KBTBD11: variants seen among roughly 807,000 people sequenced by gnomAD.
The protein encoded by KBTBD11 is kelch repeat and BTB domain-containing protein 11.
For missense variants in KBTBD11, 1,390 were observed against 1,001.8 expected (o/e 1.39, Z -5.23); for synonymous variants, 747 against 499.0 (o/e 1.50, Z -6.63).
intron 1 of KBTBD11, among the ~76,000 whole-genome samples, chr8:1,989,676 G>A (rs764838831): frequency 7.2e-5 from 11 of 152,156 alleles, no homozygotes; most frequent in African/African-American, 2.4e-4. Context: ...ACGACGCATC[G>A]CCTCCCCGAA....
Position 2,002,821 on chromosome 8 carries a change from C to T in KBTBD11, c.1629C>T (p.Leu543=). 1 of 1,430,390 alleles carries T rather than the reference C, an allele frequency of 7.0e-7. No homozygotes were observed. Among genetic ancestry groups the T allele is most frequent in the Non-Finnish European group, 9.1e-7 (1 of 1,101,146 alleles). The allele number at this position is 1,430,390 out of a possible 1,614,324, so 88.6% of individuals were successfully genotyped here. ...GCCCGTGCGTCGCGCCCCTGCGCCTCCCCGGCGGCCCCACGGGCCTGCAGC... is the reference window on the plus strand; with the variant it reads ...GCCCGTGCGTCGCGCCCCTGCGCCTTCCCGGCGGCCCCACGGGCCTGCAGC... ...QWSPCVAPLR[L]PGGPTGLQPF... is the part of the protein sequence containing the mutation. The change falls in exon 2 of 2, where the codon CTC becomes CTT. Residue 543 remains leucine, a synonymous_variant. Coordinates refer to ENST00000320248, the MANE Select transcript of KBTBD11 (RefSeq NM_014867.3). This position sits in a 1 kb window ranked among gnomAD's most constrained non-coding sequence, Gnocchi z 4.1.
Position 2,002,618 on chromosome 8 carries a change from C to A in KBTBD11, c.1426C>A (p.Arg476=). Residue 476 remains arginine, a synonymous_variant, in exon 2 of 2, where the codon CGG becomes AGG. Coordinates refer to ENST00000320248, the MANE Select transcript of KBTBD11 (RefSeq NM_014867.3). This position sits in a 1 kb window ranked among gnomAD's most constrained non-coding sequence, Gnocchi z 4.1. ...CTATCGCCTGCTCAAGTATGACCCGCGGCGCGACGAGTGGCAGGAGTGCCC... is the reference window on the plus strand; with the variant it reads ...CTATCGCCTGCTCAAGTATGACCCGAGGCGCGACGAGTGGCAGGAGTGCCC... ...LFYRLLKYDP[R]RDEWQECPCS... is the part of the protein sequence containing the mutation. 6.3e-7 allele frequency: 1 copy of A among 1,583,886 alleles called. No individual in the cohort carries two copies. The highest frequency in any genetic ancestry group is 2.3e-5 in the East Asian group (1 of 43,642).
rs535737916 is a variant in KBTBD11 at position 2,004,568 on chromosome 8, G to C, written c.*1504G>C. The C allele has an allele frequency of 6.0e-6, 1 of 167,078 alleles. No homozygotes were observed. Among genetic ancestry groups the C allele is most frequent in the Non-Finnish European group, 1.5e-5 (1 of 68,122 alleles). 10.3% of individuals were successfully genotyped at this position (167,078 alleles called of 1,614,324 possible). A position where few individuals can be genotyped will look rare whatever the true frequency, so the allele number is the denominator to read the frequency against. On this transcript the variant is annotated 3_prime_UTR_variant, in exon 2 of 2. Transcript: ENST00000320248. ...GGTTATGCTTTTTAAAGAGTCTGTG[G>C]TTATGAGAGGTCTCAGTTAAGTGTG...
intron 1 of KBTBD11, among the ~76,000 whole-genome samples, chr8:1,981,316 G>T (rs1043404576): frequency 3.3e-5 from 5 of 152,120 alleles, no homozygotes; most frequent in Admixed American, 3.3e-4. Context: ...TGAAAGAAAA[G>T]GACACTAATT....
intron 1 of KBTBD11, among the ~76,000 whole-genome samples, chr8:1,993,556 C>CCCATCCATCCATCCAT (rs1184041692): frequency 4.1e-5 from 3 of 73,702 alleles, no homozygotes; most frequent in African/African-American, 1.1e-4. Context: ...CACCCACCCA[C>CCCATCCATCCATCCAT]CCATCCATCC....
chr8:2,005,948 C>A lies in KBTBD11; in HGVS notation c.*2884C>A, dbSNP rs764496916. 10 of 167,116 alleles carry A rather than the reference C, an allele frequency of 6.0e-5. No individual in the cohort carries two copies. The highest frequency in any genetic ancestry group is 7.3e-5 in the Non-Finnish European group (5 of 68,128). The allele number at this position is 167,116 out of a possible 1,614,324, so 10.4% of individuals were successfully genotyped here. A position where few individuals can be genotyped will look rare whatever the true frequency, so the allele number is the denominator to read the frequency against. ...AATGAGCTTGAGCCTTCCTCCTTTTCCTTCCGGTTTTATTCTTCCTCTTGG... is the reference window on the plus strand; with the variant it reads ...AATGAGCTTGAGCCTTCCTCCTTTTACTTCCGGTTTTATTCTTCCTCTTGG... On this transcript the variant is annotated 3_prime_UTR_variant, in exon 2 of 2. Transcript: ENST00000320248.
Position 2,005,745 on chromosome 8 carries a change from CG to C in KBTBD11, c.*2685del, listed in dbSNP as rs1817554463. 1 of 167,096 alleles carries C rather than the reference CG, an allele frequency of 6.0e-6. No individual in the cohort carries two copies. The highest frequency in any genetic ancestry group is 6.5e-5 in the Admixed American group (1 of 15,290). The allele number at this position is 167,096 out of a possible 1,614,324, so 10.4% of individuals were successfully genotyped here. A position where few individuals can be genotyped will look rare whatever the true frequency, so the allele number is the denominator to read the frequency against. On this transcript the variant is annotated 3_prime_UTR_variant, in exon 2 of 2. Transcript: ENST00000320248. ...CTCCTCATGAAATTAACCCGTATGC[CG>C]GGGCATTTCCAAATGTCTGACTCGT...
At chr8:1,990,341 A>G (rs1299606542) in intron 1 of KBTBD11, among the ~76,000 whole-genome samples, 4 of 128,358 alleles carry the variant, frequency 3.1e-5, no homozygotes, top group African/African-American at 6.1e-5. Flanking sequence ...GTCTGGGTAG[A>G]TGCTGGGCCT....
At chr8:1,987,553 G>C (rs1327528893) in intron 1 of KBTBD11, among the ~76,000 whole-genome samples, 2 of 151,968 alleles carry the variant, frequency 1.3e-5, no homozygotes, top group Admixed American at 6.6e-5. Flanking sequence ...AAGCACCCCT[G>C]CGCTCCGGCC....
Position 2,002,036 on chromosome 8 carries a change from G to A in KBTBD11, c.844G>A (p.Asp282Asn), listed in dbSNP as rs1397998990. 2 of 1,318,254 alleles carry A rather than the reference G, an allele frequency of 1.5e-6. No homozygotes were observed. Among genetic ancestry groups the A allele is most frequent in the Non-Finnish European group, 2.0e-6 (2 of 1,022,812 alleles). The allele number at this position is 1,318,254 out of a possible 1,614,324, so 81.7% of individuals were successfully genotyped here. Residue 282 changes from aspartate to asparagine, a missense_variant, in exon 2 of 2, where the codon GAC (aspartate) becomes AAC (asparagine). Physicochemically the swap from Asp to Asn is conservative, Grantham distance 23. Coordinates refer to ENST00000320248, the MANE Select transcript of KBTBD11 (RefSeq NM_014867.3). This position sits in a 1 kb window ranked among gnomAD's most constrained non-coding sequence, Gnocchi z 4.1. ...CGGCCGCCTGTCGGGCGCAGAGCGG[G>A]ACCTGCTGCTGCGCCGCCGCCTGCG... is the stretch of plus-strand genomic sequence containing the variant. ...VFGRLSGAERDLLLRRRLRAG... is the reference protein window; with the variant it reads ...VFGRLSGAERNLLLRRRLRAG...
In KBTBD11 at chr8:2,001,872, TG is replaced by T; in HGVS notation, c.684del (p.Pro229ArgfsTer3). The T allele has an allele frequency of 1.5e-6, 2 of 1,328,546 alleles. No individual in the cohort carries two copies. Among genetic ancestry groups the T allele is most frequent in the South Asian group, 1.6e-5 (1 of 63,188 alleles). The allele number at this position is 1,328,546 out of a possible 1,614,324, so 82.3% of individuals were successfully genotyped here. On this transcript the variant is annotated frameshift_variant, in exon 2 of 2. Coordinates refer to ENST00000320248, the MANE Select transcript of KBTBD11 (RefSeq NM_014867.3). LOFTEE classifies it low-confidence loss of function (END_TRUNC). ...PGAAQRATDAVGPQLSLANCY... is the reference protein window; with the variant it reads ...PGAAQRATDAXGPQLSLANCY... ...GCCGCGCAGCGCGCCACCGACGCCG[TG>T]GGGCCGCAGCTGAGCCTGGCCAACT...
chr8:1,994,619 C>A (rs140134778), intron 1 of KBTBD11, among the ~76,000 whole-genome samples: 1 of 152,200 alleles, frequency 6.6e-6, no homozygotes, highest in South Asian at 2.1e-4. Context: ...AAGGCTCCTG[C>A]GGGTGCCACG....
At chr8:1,992,312 A>G (rs1158125477) in intron 1 of KBTBD11, among the ~76,000 whole-genome samples, 4 of 152,140 alleles carry the variant, frequency 2.6e-5, no homozygotes, top group Admixed American at 6.5e-5. Context: ...CAGTTCCTGC[A>G]CACAGTACAA....
Position 2,002,481 on chromosome 8 carries a change from C to G in KBTBD11, c.1289C>G (p.Pro430Arg), listed in dbSNP as rs1817419933. 6.6e-7 allele frequency: 1 copy of G among 1,508,080 alleles called. No individual in the cohort carries two copies. Among genetic ancestry groups the G allele is most frequent in the Non-Finnish European group, 8.8e-7 (1 of 1,136,848 alleles). The allele number at this position is 1,508,080 out of a possible 1,614,324, so 93.4% of individuals were successfully genotyped here. Residue 430 changes from proline to arginine, a missense_variant, in exon 2 of 2, where the codon CCG becomes CGG. Pro to Arg is a moderately radical substitution (Grantham distance 103, BLOSUM62 -2). Coordinates refer to ENST00000320248, the MANE Select transcript of KBTBD11 (RefSeq NM_014867.3). The surrounding 1 kb of genome is among the most constrained non-coding windows in gnomAD (Gnocchi z 4.1). ...ECLLSVERYD[P>R]RADRWAPVAP... Reference sequence around the variant, plus strand: ...CTGCTCAGCGTGGAGCGCTACGACCCGCGCGCCGACCGCTGGGCCCCCGTG... The same window carrying G: ...CTGCTCAGCGTGGAGCGCTACGACCGGCGCGCCGACCGCTGGGCCCCCGTG...
intron 1 of KBTBD11, among the ~76,000 whole-genome samples, chr8:1,985,205 C>G (rs1188296197): frequency 6.6e-6 from 1 of 152,248 alleles, no homozygotes; most frequent in Non-Finnish European, 1.5e-5. Context: ...GAAGGCAGAG[C>G]TCTTACAGGA....
intron 1 of KBTBD11, among the ~76,000 whole-genome samples, chr8:1,993,985 G>T (rs888708903): frequency 6.8e-6 from 1 of 147,408 alleles, no homozygotes; most frequent in African/African-American, 2.5e-5. Context: ...TTTATCAGGG[G>T]AGCCACAGGC....
Position 2,001,815 on chromosome 8 carries a change from T to C in KBTBD11, c.623T>C (p.Val208Ala). 3 of 1,225,524 alleles carry C rather than the reference T, an allele frequency of 2.4e-6. No homozygotes were observed. The highest frequency in any genetic ancestry group is 3.4e-5 in the South Asian group (1 of 29,162). 75.9% of individuals were successfully genotyped at this position (1,225,524 alleles called of 1,614,324 possible). A position where few individuals can be genotyped will look rare whatever the true frequency, so the allele number is the denominator to read the frequency against. The change falls in exon 2 of 2, where the codon GTG (valine) becomes GCG (alanine). Residue 208 changes from valine (V) to alanine (A), a missense_variant. Val to Ala is a moderately conservative substitution (Grantham distance 64). Coordinates refer to ENST00000320248, the MANE Select transcript of KBTBD11 (RefSeq NM_014867.3). The part of the protein sequence containing the change: ...GVRPDNVAEV[V>A]AGARRLQLPG... ...CGGCCCGACAACGTGGCCGAGGTGG[T>C]GGCCGGCGCGCGCCGCCTGCAGCTG...
Position 2,002,913 on chromosome 8 carries a change from A to G in KBTBD11, c.1721A>G (p.Gln574Arg), listed in dbSNP as rs1817449013. ...AGCCGCGCGGGCACCTGGCGCTTCC[A>G]GCCTGCCCGGGAAGGCGAGGCCGGC... ...CVSRAGTWRFQPAREGEAGGD... is the reference protein window; with the variant it reads ...CVSRAGTWRFRPAREGEAGGD... The change falls in exon 2 of 2, where the codon CAG becomes CGG. Residue 574 changes from glutamine to arginine, a missense_variant. Physicochemically the swap from Gln to Arg is conservative, Grantham distance 43. Transcript: ENST00000320248. This position sits in a 1 kb window ranked among gnomAD's most constrained non-coding sequence, Gnocchi z 4.1. 2 of 1,322,678 alleles carry G rather than the reference A, an allele frequency of 1.5e-6. No homozygotes were observed. Among genetic ancestry groups the G allele is most frequent in the Non-Finnish European group, 9.6e-7 (1 of 1,040,150 alleles). The allele number at this position is 1,322,678 out of a possible 1,614,324, so 81.9% of individuals were successfully genotyped here.
At chr8:1,983,889 G>T (rs1006629544) in intron 1 of KBTBD11, among the ~76,000 whole-genome samples, 1 of 152,216 alleles carries the variant, frequency 6.6e-6, no homozygotes, top group Non-Finnish European at 1.5e-5. Context: ...CAGAACTTTG[G>T]GAGGCCAAGG....
Sources: gnomAD v4.1 joint callset for allele counts (sites outside exome capture counted in the v4.1 genomes callset) on GRCh38, gnomAD v4.1.1 for gene constraint, Gnocchi (gnomAD v3.1) non-coding constraint, MANE v1.5 for transcripts, NCBI Gene and HGNC (gene_info 2026-07-23, HGNC 2026-07-21) for gene names.